Variants in KCNK1 observed in about 807,000 individuals in gnomAD.
KCNK1 encodes the protein potassium channel subfamily K member 1.
In KCNK1, 10 loss-of-function variants were observed where a neutral mutation model predicts 22.2. That is an observed-to-expected ratio of 0.45 (90% CI 0.28 to 0.76). The LOEUF is 0.76. Ranked by LOEUF, KCNK1 falls within the 30% of genes least tolerant of loss-of-function variation. The probability of loss-of-function intolerance (pLI) is 0.14; values close to 1 mark genes in which losing one functional copy is unlikely to be tolerated. For missense variants in KCNK1, 378 were observed against 421.0 expected, an observed-to-expected ratio of 0.90 and a Z score of 0.89; for synonymous variants, 200 against 186.4, an observed-to-expected ratio of 1.07 and a Z score of -0.60.
At chr1:233,652,138 G>T (rs993576900) in intron 1 of KCNK1, among the ~76,000 whole-genome samples, 1 of 152,168 alleles carries the variant, frequency 6.6e-6, no homozygotes, top group African/African-American at 2.4e-5. Flanking sequence ...TGAAGCTGTA[G>T]CCTAATTCTT....
Position 233,614,155 on chromosome 1 carries a change from C to CTTTGGCTTTGGA in KCNK1, c.-17_-16insTTTGGCTTTGGA, listed in dbSNP as rs780220764. ...GGCCGGTCTGCGGCGTTGGCCTTGG[C>CTTTGGCTTTGGA]GGCGGCGGTGGAGAAGATGCTGCAG... On this transcript the variant is annotated 5_prime_UTR_variant, in exon 1 of 3. Coordinates refer to ENST00000366621, the MANE Select transcript of KCNK1 (RefSeq NM_002245.4). 2 of 1,569,178 alleles carry CTTTGGCTTTGGA rather than the reference C, an allele frequency of 1.3e-6. No individual in the cohort carries two copies. Among genetic ancestry groups the CTTTGGCTTTGGA allele is most frequent in the South Asian group, 2.3e-5 (2 of 87,220 alleles).
Position 233,614,469 on chromosome 1 carries a change from T to C in KCNK1, c.298T>C (p.Trp100Arg), listed in dbSNP as rs1219125251. The C allele has an allele frequency of 1.2e-6, 2 of 1,613,134 alleles. No homozygotes were observed. Among genetic ancestry groups the C allele is most frequent in the South Asian group, 2.2e-5 (2 of 90,832 alleles). ...GGTGCTCAGCAACGCCTCGGGCAAC[T>C]GGAACTGGGACTTCACCTCCGCGCT... ...VSVLSNASGN[W>R]NWDFTSALFF... is the part of the protein sequence containing the mutation. The change falls in exon 1 of 3, where the codon TGG (tryptophan) becomes CGG (arginine). Residue 100 changes from tryptophan (W) to arginine (R), a missense_variant. By Grantham distance (101) the Trp-to-Arg change is moderately radical (BLOSUM62 -3). Transcript: ENST00000366621.
At chr1:233,621,117 T>C (rs1657578922) in intron 1 of KCNK1, among the ~76,000 whole-genome samples, 1 of 152,210 alleles carries the variant, frequency 6.6e-6, no homozygotes, top group African/African-American at 2.4e-5. Flanking sequence ...ATGGGCCAAA[T>C]CGTCTCCCTC....
intron 1 of KCNK1, among the ~76,000 whole-genome samples, chr1:233,651,395 A>C (rs755917186): frequency 6.6e-6 from 1 of 152,216 alleles, no homozygotes; most frequent in Non-Finnish European, 1.5e-5. Context: ...AAGCAAACCC[A>C]GAGGAGGTGG....
chr1:233,642,777 T>G (rs1281150898), intron 1 of KCNK1, among the ~76,000 whole-genome samples: 1 of 151,444 alleles, frequency 6.6e-6, no homozygotes, highest in African/African-American at 2.4e-5. Flanking sequence ...TGCCATTTTT[T>G]TTTTCTTTTG....
intron 1 of KCNK1, chr1:233,637,343 A>G (rs1294819542): frequency 6.6e-6 from 1 of 152,100 alleles, no homozygotes; most frequent in Non-Finnish European, 1.5e-5. Flanking sequence ...GAAGCAGAAG[A>G]CTGAGGTCAT....
intron 1 of KCNK1, among the ~76,000 whole-genome samples, chr1:233,634,710 G>A (rs898412592): frequency 1.3e-5 from 2 of 152,228 alleles, no homozygotes; most frequent in Admixed American, 1.3e-4. Context: ...TTAGTAATAA[G>A]GGTCACTAGG....
intron 1 of KCNK1, among the ~76,000 whole-genome samples, chr1:233,647,354 G>C (rs1165189624): frequency 1.3e-5 from 2 of 152,206 alleles, no homozygotes; most frequent in African/African-American, 4.8e-5. Flanking sequence ...TCATTGCCTA[G>C]TATGTAGTTG....
chr1:233,653,608 A>G (rs936050462), intron 1 of KCNK1, among the ~76,000 whole-genome samples: 1 of 152,092 alleles, frequency 6.6e-6, no homozygotes. Context: ...AAGGGAGAGA[A>G]AGGGCTATTT....
In KCNK1 at chr1:233,666,848, C is replaced by G; in HGVS notation, c.609C>G (p.Phe203Leu). 1 of 1,614,202 alleles carries G rather than the reference C, an allele frequency of 6.2e-7. No individual in the cohort carries two copies. The highest frequency in any genetic ancestry group is 8.5e-7 in the Non-Finnish European group (1 of 1,180,050). Reference sequence around the variant, plus strand: ...TCTTCTTCATCCCGGCCGCTGTCTTCTCAGTCCTGGAGGATGACTGGAACT... The same window carrying G: ...TCTTCTTCATCCCGGCCGCTGTCTTGTCAGTCCTGGAGGATGACTGGAACT... ...SCFFFIPAAVFSVLEDDWNFL... is the reference protein window; with the variant it reads ...SCFFFIPAAVLSVLEDDWNFL... The change falls in exon 2 of 3, where the codon TTC becomes TTG. Residue 203 changes from phenylalanine (F) to leucine (L), a missense_variant. Phe to Leu is a conservative substitution (Grantham distance 22). Coordinates refer to ENST00000366621, the MANE Select transcript of KCNK1 (RefSeq NM_002245.4).
At chr1:233,658,066 T>G (rs575759468) in intron 1 of KCNK1, among the ~76,000 whole-genome samples, 17 of 152,296 alleles carry the variant, frequency 1.1e-4, no homozygotes, top group Non-Finnish European at 2.4e-4. Context: ...TGGCAGGGAT[T>G]CGTATTTTTA....
At chr1:233,661,717 G>A (rs1475019460) in intron 1 of KCNK1, 1 of 152,188 alleles carries the variant, frequency 6.6e-6, no homozygotes, top group Non-Finnish European at 1.5e-5. Context: ...TCCTTGTTGT[G>A]TGCATGGCAT....
intron 1 of KCNK1, among the ~76,000 whole-genome samples, chr1:233,639,979 G>C (rs1657974904): frequency 6.6e-6 from 1 of 152,166 alleles, no homozygotes; most frequent in Non-Finnish European, 1.5e-5. Context: ...AGGCGTTGTT[G>C]CTATTACTTC....
At chr1:233,639,889 C>A (rs1345982779) in intron 1 of KCNK1, among the ~76,000 whole-genome samples, 2 of 152,212 alleles carry the variant, frequency 1.3e-5, no homozygotes, top group African/African-American at 4.8e-5. Flanking sequence ...CTCTGTGGGG[C>A]TCTTCCCATG....
At chr1:233,620,091 T>C (rs1187314696) in intron 1 of KCNK1, among the ~76,000 whole-genome samples, 1 of 152,240 alleles carries the variant, frequency 6.6e-6, no homozygotes, top group South Asian at 2.1e-4. Flanking sequence ...GAATGTTTTC[T>C]GACACAGTCA....
intron 1 of KCNK1, among the ~76,000 whole-genome samples, chr1:233,637,131 G>T (rs1657912848): frequency 6.6e-6 from 1 of 150,936 alleles, no homozygotes; most frequent in Non-Finnish European, 1.5e-5. Context: ...AGGAGGCGGA[G>T]GTTGTAGTGA....
chr1:233,638,787 G>A lies in KCNK1; in HGVS notation c.355+24261G>A, dbSNP rs149951840. Among the ~76,000 whole-genome samples the A allele has an allele frequency of 2.4e-3, 364 of 152,254 alleles. 2 individuals are homozygous for A. Among genetic ancestry groups the A allele is most frequent in the African/African-American group, 8.1e-3 (336 of 41,522 alleles). ...TGAGGCCATCCATGTGCAGGGAAACGTTTTATGCCAGAGAGTAATATTTTT... is the reference window on the plus strand; with the variant it reads ...TGAGGCCATCCATGTGCAGGGAAACATTTTATGCCAGAGAGTAATATTTTT... On this transcript the variant is annotated intron_variant, in intron 1 of 2. Coordinates refer to ENST00000366621, the MANE Select transcript of KCNK1 (RefSeq NM_002245.4).
Position 233,671,275 on chromosome 1 carries a change from C to T in KCNK1, c.756C>T (p.Tyr252=), listed in dbSNP as rs779937030. The change falls in exon 3 of 3, where the codon TAC becomes TAT. Residue 252 remains tyrosine, a synonymous_variant. Transcript: ENST00000366621. The part of the protein sequence containing the change: ...RELYKIGITC[Y]LLLGLIAMLV... ...AGTGTCCTGTTTCTCACACAGGTTA[C>T]CTGCTACTTGGCCTTATTGCCATGT... 1.2e-6 allele frequency: 2 copies of T among 1,614,120 alleles called. No homozygotes were observed. Among genetic ancestry groups the T allele is most frequent in the South Asian group, 2.2e-5 (2 of 91,078 alleles).
At chr1:233,642,678 G>A (rs1176196496) in intron 1 of KCNK1, among the ~76,000 whole-genome samples, 2 of 152,170 alleles carry the variant, frequency 1.3e-5, no homozygotes, top group South Asian at 2.1e-4. Context: ...GGGGATGGAC[G>A]GGTAGAACAA....
Sources: allele counts gnomAD v4.1 joint callset (sites outside exome capture counted in the v4.1 genomes callset), GRCh38; gene constraint gnomAD v4.1.1; transcripts MANE v1.5; gene names NCBI Gene and HGNC (gene_info 2026-07-23, HGNC 2026-07-21).